PAX5: variants seen among roughly 807,000 people sequenced by gnomAD.
The protein encoded by PAX5 is paired box 5.
In PAX5, 9 loss-of-function variants were observed where a neutral mutation model predicts 43.7. The ratio of observed to expected loss-of-function variants is 0.21; its 90% CI spans 0.12 to 0.36. The LOEUF is 0.36. PAX5 is among the 10% of genes least tolerant of loss of function. The pLI is 1.00. For synonymous variants in PAX5, 228 were observed against 214.3 expected (o/e 1.06, Z -0.56); for missense variants, 383 against 532.7 (o/e 0.72, Z 2.77).
At position 37,033,977 on chromosome 9, in the gene PAX5, C is replaced by A. The variant is rs1841272341; in HGVS notation, c.46+9G>T. 1 of 1,611,090 alleles carries A rather than the reference C, an allele frequency of 6.2e-7. No homozygotes were observed. The highest frequency in any genetic ancestry group is 1.7e-5 in the Admixed American group (1 of 59,966). On this transcript the variant is annotated intron_variant, in intron 1 of 9. Transcript: ENST00000358127. ...GTTTGCACATCTGGAGCCCGTATCGCGGTCCTACCTGTCCTGCTGGTCCGA... is the reference window on the plus strand; with the variant it reads ...GTTTGCACATCTGGAGCCCGTATCGAGGTCCTACCTGTCCTGCTGGTCCGA...
chr9:37,021,757 G>A (rs1839876434), intron 1 of PAX5, among the ~76,000 whole-genome samples: 1 of 152,282 alleles, frequency 6.6e-6, no homozygotes, highest in East Asian at 1.9e-4. Context: ...AACACAGAGT[G>A]ATCCGATGCA....
Position 36,966,642 on chromosome 9 carries a change from G to T in PAX5, c.687C>A (p.Phe229Leu). 6.2e-7 allele frequency: 1 copy of T among 1,614,242 alleles called. No individual in the cohort carries two copies. The highest frequency in any genetic ancestry group is 8.5e-7 in the Non-Finnish European group (1 of 1,180,032). Residue 229 changes from phenylalanine to leucine, a missense_variant, in exon 6 of 10, where the codon TTC (phenylalanine) becomes TTA (leucine). Physicochemically the swap from Phe to Leu is conservative, Grantham distance 22. Coordinates refer to ENST00000358127, the MANE Select transcript of PAX5 (RefSeq NM_016734.3). Reference sequence around the variant, plus strand: ...CCAGCACCTCCAGCTGCTGCTGTGTGAACAAGTCTCCCCGCATCTGCTTCC... The same window carrying T: ...CCAGCACCTCCAGCTGCTGCTGTGTTAACAAGTCTCCCCGCATCTGCTTCC... Reference protein sequence around the residue: ...FLRKQMRGDLFTQQQLEVLDR... With the variant: ...FLRKQMRGDLLTQQQLEVLDR...
chr9:37,034,074 C>T lies in PAX5; in HGVS notation c.-43G>A. The T allele has an allele frequency of 4.6e-6, 4 of 874,752 alleles. No homozygotes were observed. In the South Asian group the frequency reaches 5.3e-5, roughly 12 times the overall value. The allele number at this position is 874,752 out of a possible 1,614,324, so 54.2% of individuals were successfully genotyped here. ...TGATGGAATGGACAGGGAAAAGTTT[C>T]CACTTTTTTGTGCCTTTTTTTTTCT... is the stretch of plus-strand genomic sequence containing the variant. On this transcript the variant is annotated 5_prime_UTR_variant, in exon 1 of 10. Coordinates refer to ENST00000358127, the MANE Select transcript of PAX5 (RefSeq NM_016734.3).
At chr9:36,963,439 C>T (rs767618823) in intron 6 of PAX5, among the ~76,000 whole-genome samples, 7 of 152,188 alleles carry the variant, frequency 4.6e-5, no homozygotes, top group African/African-American at 9.6e-5. Context: ...CAGGTAACAT[C>T]CCCCTCTCTG....
At chr9:37,014,940 C>G in intron 3 of PAX5, 57 bp downstream of exon 3, 1 of 1,502,652 alleles carries the variant, frequency 6.7e-7, no homozygotes, top group Non-Finnish European at 9.2e-7. Flanking sequence ...TGCAGAGCCT[C>G]CAGGATGCCC....
intron 5 of PAX5, among the ~76,000 whole-genome samples, chr9:36,982,005 C>G (rs1339095333): frequency 1.3e-5 from 2 of 152,278 alleles, no homozygotes; most frequent in Non-Finnish European, 2.9e-5. Flanking sequence ...TGGCTCCCCA[C>G]TGTAATCCCA....
chr9:36,901,463 T>C (rs529670704), intron 7 of PAX5, among the ~76,000 whole-genome samples: 28 of 152,228 alleles, frequency 1.8e-4, no homozygotes, highest in Admixed American at 5.2e-4. Context: ...TTAAAAACAT[T>C]TACTGAGCAC....
At chr9:37,004,626 T>C (rs1286679245) in intron 4 of PAX5, among the ~76,000 whole-genome samples, 1 of 152,230 alleles carries the variant, frequency 6.6e-6, no homozygotes, top group African/African-American at 2.4e-5. Context: ...ACTTCTCTTT[T>C]TCTTCACCAG....
chr9:37,018,422 C>A (rs1588242095), intron 2 of PAX5, among the ~76,000 whole-genome samples: 1 of 152,010 alleles, frequency 6.6e-6, no homozygotes, highest in East Asian at 1.9e-4. Flanking sequence ...TCCTGGCAGA[C>A]CGCCCACCTT....
At chr9:37,031,023 T>G (rs935838556) in intron 1 of PAX5, among the ~76,000 whole-genome samples, 4 of 152,232 alleles carry the variant, frequency 2.6e-5, no homozygotes, top group African/African-American at 9.7e-5. Context: ...GGAAAGAAAT[T>G]GACCTGAAAT....
In PAX5 at chr9:36,960,356, C is replaced by A. The variant is rs568346062; in HGVS notation, c.780+6193G>T. 3.9e-5 allele frequency among the ~76,000 whole-genome samples: 6 copies of A among 152,286 alleles called. No homozygotes were observed. The East Asian group carries it at 1.2e-3, about 29-fold the overall frequency. On this transcript the variant is annotated intron_variant, in intron 6 of 9. Coordinates refer to ENST00000358127, the MANE Select transcript of PAX5 (RefSeq NM_016734.3). ...ACGCCAGCCCTGGGAGAGGCTGGGT[C>A]ATGGGCAGCAGCCCCCTTGGACACA... is the stretch of plus-strand genomic sequence containing the variant.
rs138828224 is a variant in PAX5 at position 36,871,383 on chromosome 9, C to T, written c.1012+10621G>A. ...GGCCACTGTCCTCAGGACACCCTCA[C>T]TTTGGGCTGTGTACGTCCAGGCTCC... On this transcript the variant is annotated intron_variant, in intron 8 of 9. Transcript: ENST00000358127. Among the ~76,000 whole-genome samples the T allele has an allele frequency of 1.0e-3, 156 of 152,344 alleles. 1 individual carries two copies. The highest frequency in any genetic ancestry group is 3.4e-3 in the Middle Eastern group (1 of 294).
rs1821740516 is a variant in PAX5, at chr9:36,837,732, A to C, written c.*2828T>G. On this transcript the variant is annotated 3_prime_UTR_variant, in exon 10 of 10. Coordinates refer to ENST00000358127, the MANE Select transcript of PAX5 (RefSeq NM_016734.3). ...AGTCAAGTGGTTGTCTCACAAATAC[A>C]AAACCAATCTGAGGACCAGCAAAGC... is the stretch of plus-strand genomic sequence containing the variant. The C allele has an allele frequency of 8.6e-6, 2 of 233,446 alleles. No homozygotes were observed. The highest frequency in any genetic ancestry group is 4.4e-5 in the African/African-American group (2 of 45,480). The allele number at this position is 233,446 out of a possible 1,614,324, so 14.5% of individuals were successfully genotyped here.
chr9:36,912,835 C>T (rs1829414263), intron 7 of PAX5, among the ~76,000 whole-genome samples: 1 of 152,232 alleles, frequency 6.6e-6, no homozygotes, highest in Non-Finnish European at 1.5e-5. Context: ...TAATCCCCCT[C>T]CTCCCACTGG....
chr9:36,986,921 G>T (rs559711957), intron 5 of PAX5, among the ~76,000 whole-genome samples: 1 of 152,350 alleles, frequency 6.6e-6, no homozygotes, highest in African/African-American at 2.4e-5. Flanking sequence ...TGGTGGCCGG[G>T]GTCCCGTCCA....
chr9:37,029,705 C>A (rs528726186), intron 1 of PAX5, among the ~76,000 whole-genome samples: 107 of 152,168 alleles, frequency 7.0e-4, no homozygotes, highest in African/African-American at 2.5e-3. Context: ...GAGTGCGGGA[C>A]GCCCTGAGGG....
At chr9:36,968,778 C>T (rs559418365) in intron 5 of PAX5, among the ~76,000 whole-genome samples, 1 of 152,308 alleles carries the variant, frequency 6.6e-6, no homozygotes, top group South Asian at 2.1e-4. Flanking sequence ...TGGCCCATCC[C>T]CATGGGGACC....
At chr9:36,985,028 C>T (rs933809603) in intron 5 of PAX5, among the ~76,000 whole-genome samples, 3 of 152,204 alleles carry the variant, frequency 2.0e-5, no homozygotes, top group African/African-American at 7.2e-5. Flanking sequence ...GATACTGAGG[C>T]TCAGAGAGGG....
chr9:36,843,344 G>A (rs1482889459), intron 9 of PAX5, among the ~76,000 whole-genome samples: 1 of 152,168 alleles, frequency 6.6e-6, no homozygotes, highest in East Asian at 1.9e-4. Context: ...AGAGGTGAAC[G>A]GGCCTGGAGC....
Sources: gnomAD v4.1 joint callset for allele counts (sites outside exome capture counted in the v4.1 genomes callset) on GRCh38, gnomAD v4.1.1 for gene constraint, MANE v1.5 for transcripts, NCBI Gene and HGNC (gene_info 2026-07-23, HGNC 2026-07-21) for gene names.